Variants in FBN1 observed in about 807,000 individuals in gnomAD.
FBN1 encodes fibrillin 1, also known as fibrillin-1.
Under a neutral mutation model 365.1 loss-of-function variants are expected in FBN1, and 29 were observed. The observed-to-expected ratio is 0.08, with a 90% CI of 0.06 to 0.11. The LOEUF (loss-of-function observed/expected upper bound fraction) is 0.11. Ranked by LOEUF, FBN1 falls within the 10% of genes least tolerant of loss-of-function variation. The pLI, the probability that FBN1 is intolerant of heterozygous loss-of-function variation, is 1.00. For synonymous variants in FBN1, 1,210 were observed against 1,270.5 expected, an observed-to-expected ratio of 0.95 and a Z score of 1.01; for missense variants, 2,476 against 3,703.2, an observed-to-expected ratio of 0.67 and a Z score of 8.60.
intron 6 of FBN1, among the ~76,000 whole-genome samples, chr15:48,588,916 G>C (rs1467339980): frequency 6.6e-6 from 1 of 152,184 alleles, no homozygotes; most frequent in African/African-American, 2.4e-5. Flanking sequence ...GTGGACTAGG[G>C]ACTGTCAAAT....
At chr15:48,448,032 C>T (rs1268931770) in intron 46 of FBN1, among the ~76,000 whole-genome samples, 3 of 152,092 alleles carry the variant, frequency 2.0e-5, no homozygotes, top group Non-Finnish European at 2.9e-5. Context: ...ATGAGTAGGG[C>T]TGTCAGTGCT....
At chr15:48,640,541 A>G (rs1047197791) in intron 2 of FBN1, among the ~76,000 whole-genome samples, 1 of 152,220 alleles carries the variant, frequency 6.6e-6, no homozygotes, top group Non-Finnish European at 1.5e-5. Context: ...CTTCTACATA[A>G]CTAATCCCTT....
chr15:48,425,308 G>A, intron 60 of FBN1, 61 bp downstream of exon 60: 1 of 1,612,124 alleles, frequency 6.2e-7, no homozygotes, highest in South Asian at 1.1e-5. Context: ...GTTCTTACAG[G>A]CAAAGGAATG....
At chr15:48,513,868 A>T (rs967087164) in intron 12 of FBN1, among the ~76,000 whole-genome samples, 200 bp from the exon 13 acceptor site, 1 of 152,172 alleles carries the variant, frequency 6.6e-6, no homozygotes, top group South Asian at 2.1e-4. Context: ...TATTATTTTC[A>T]TGTGTCATTT....
At chr15:48,425,152 G>A (rs547521892) in intron 60 of FBN1, among the ~76,000 whole-genome samples, 244 of 152,308 alleles carry the variant, frequency 1.6e-3, no homozygotes, top group Admixed American at 5.0e-3. Flanking sequence ...ATGCCCAGGG[G>A]GCATGCAGCA....
At chr15:48,508,469 A>C in intron 15 of FBN1, 113 bp downstream of exon 15, 1 of 1,474,326 alleles carries the variant, frequency 6.8e-7, no homozygotes, top group African/African-American at 1.4e-5. Context: ...CCCAAACCAA[A>C]ATTCAAGGTA....
intron 4 of FBN1, among the ~76,000 whole-genome samples, chr15:48,605,009 C>T (rs1266099750): frequency 6.6e-6 from 1 of 152,190 alleles, no homozygotes; most frequent in Non-Finnish European, 1.5e-5. Flanking sequence ...GTCCTGCTGA[C>T]ACTCTCATTG....
At chr15:48,478,803 T>C (rs898309809) in intron 32 of FBN1, among the ~76,000 whole-genome samples, 1 of 152,130 alleles carries the variant, frequency 6.6e-6, no homozygotes, top group Non-Finnish European at 1.5e-5. Context: ...GGAATGTAAG[T>C]CAGTGGGTGG....
At chr15:48,537,167 T>C (rs182168590) in intron 7 of FBN1, among the ~76,000 whole-genome samples, 2 of 152,292 alleles carry the variant, frequency 1.3e-5, no homozygotes, top group African/African-American at 2.4e-5. Context: ...AAATGTAGCA[T>C]GCAAAATGTC....
chr15:48,615,536 C>T (rs1889635252), intron 2 of FBN1, among the ~76,000 whole-genome samples: 1 of 151,890 alleles, frequency 6.6e-6, no homozygotes, highest in Non-Finnish European at 1.5e-5. Flanking sequence ...GAAGATTTTA[C>T]AATTTACTAT....
chr15:48,435,766 G>GTGTGTATATATA (rs1566895666), intron 53 of FBN1, among the ~76,000 whole-genome samples: 10 of 28,146 alleles, frequency 3.6e-4, no homozygotes, highest in Admixed American at 3.1e-3. Flanking sequence ...GTATATATAT[G>GTGTGTATATATA]TGTATATGTG....
At chr15:48,457,232 C>G (rs2043247496) in intron 43 of FBN1, among the ~76,000 whole-genome samples, 1 of 152,108 alleles carries the variant, frequency 6.6e-6, no homozygotes, top group African/African-American at 2.4e-5. Context: ...CTTCATGTGG[C>G]TTTAGAAAGG....
intron 47 of FBN1, 24 bp from the exon 48 acceptor site, chr15:48,445,528 C>T: frequency 6.2e-7 from 1 of 1,609,060 alleles, no homozygotes; most frequent in Non-Finnish European, 8.5e-7. Flanking sequence ...CCCAACAATC[C>T]TTTAATATAT....
At chr15:48,431,797 A>C (rs1202889599) in intron 55 of FBN1, among the ~76,000 whole-genome samples, 4 of 151,964 alleles carry the variant, frequency 2.6e-5, no homozygotes, top group Non-Finnish European at 5.9e-5. Flanking sequence ...TGAGATTACA[A>C]GAATGCGCCA....
Position 48,513,568 on chromosome 15 carries a change from G to A in FBN1, c.1569C>T (p.Leu523=). The A allele has an allele frequency of 6.2e-7, 1 of 1,614,012 alleles. No individual in the cohort carries two copies. Among genetic ancestry groups the A allele is most frequent in the Non-Finnish European group, 8.5e-7 (1 of 1,179,934 alleles). ...CCATACCTCGGCATTCTGTCCGCGTGAGTGTGCTCTGATATCCAGCTCGGC... is the reference window on the plus strand; with the variant it reads ...CCATACCTCGGCATTCTGTCCGCGTAAGTGTGCTCTGATATCCAGCTCGGC... ...CQCRAGYQST[L]TRTECRDIDE... The change falls in exon 13 of 66, where the codon CTC becomes CTT. Residue 523 remains leucine, a synonymous_variant. Transcript: ENST00000316623.
At chr15:48,588,368 A>G (rs1365971775) in intron 6 of FBN1, among the ~76,000 whole-genome samples, 1 of 152,206 alleles carries the variant, frequency 6.6e-6, no homozygotes, top group African/African-American at 2.4e-5. Context: ...TGTGGCTCAC[A>G]TTATATTTCT....
At chr15:48,513,243 A>G (rs1371845112) in intron 13 of FBN1, among the ~76,000 whole-genome samples, 1 of 152,230 alleles carries the variant, frequency 6.6e-6, no homozygotes, top group Non-Finnish European at 1.5e-5. Flanking sequence ...GCTGTGTCAT[A>G]AAGGACAATT....
At chr15:48,598,425 ATTG>A (rs1344614505) in intron 5 of FBN1, among the ~76,000 whole-genome samples, 1 of 152,218 alleles carries the variant, frequency 6.6e-6, no homozygotes, top group Non-Finnish European at 1.5e-5. Context: ...AGTGTTGTTT[ATTG>A]TTGTGGTCTC....
At chr15:48,588,937 T>G (rs567443014) in intron 6 of FBN1, among the ~76,000 whole-genome samples, 1 of 152,300 alleles carries the variant, frequency 6.6e-6, no homozygotes, top group South Asian at 2.1e-4. Flanking sequence ...GCCTGGAAAC[T>G]GTCTGGCCAG....
Sources: allele counts gnomAD v4.1 joint callset (sites outside exome capture counted in the v4.1 genomes callset), GRCh38; gene constraint gnomAD v4.1.1; transcripts MANE v1.5; gene names NCBI Gene and HGNC (gene_info 2026-07-23, HGNC 2026-07-21).